ADAMTS12: variants seen among roughly 807,000 people sequenced by gnomAD.
ADAMTS12 encodes A disintegrin and metalloproteinase with thrombospondin motifs 12.
In ADAMTS12, 118 loss-of-function variants were observed where a neutral mutation model predicts 167.8. The observed-to-expected ratio is 0.70, with a 90% CI of 0.61 to 0.82. The LOEUF (loss-of-function observed/expected upper bound fraction) is 0.82, where lower values mean the gene tolerates loss of function less well. Ranked by LOEUF, ADAMTS12 falls within the 40% of genes least tolerant of loss-of-function variation. ADAMTS12 has a pLI of 0.00. For synonymous variants in ADAMTS12, 704 were observed against 716.9 expected (o/e 0.98, Z 0.29); for missense variants, 1,916 against 1,998.8 (o/e 0.96, Z 0.79).
intron 5 of ADAMTS12, among the ~76,000 whole-genome samples, chr5:33,666,002 C>T (rs1003182451): frequency 5.6e-4 from 86 of 152,322 alleles, no homozygotes; most frequent in African/African-American, 2.0e-3. Flanking sequence ...TTACATAGGG[C>T]GTATCCCAAG....
chr5:33,675,364 T>G, intron 5 of ADAMTS12, among the ~76,000 whole-genome samples: 1 of 151,612 alleles, frequency 6.6e-6, no homozygotes, highest in Non-Finnish European at 1.5e-5. Flanking sequence ...GGGGAAGGAG[T>G]AAAGGAGAGG....
chr5:33,689,432 T>C (rs1159638617), intron 3 of ADAMTS12, among the ~76,000 whole-genome samples: 9 of 151,066 alleles, frequency 6.0e-5, no homozygotes, highest in Admixed American at 5.3e-4. Flanking sequence ...AAATCATACA[T>C]AGAAGAAGTT....
intron 18 of ADAMTS12, among the ~76,000 whole-genome samples, chr5:33,583,663 G>A (rs1270323488): frequency 6.6e-6 from 1 of 152,094 alleles, no homozygotes; most frequent in Admixed American, 6.5e-5. Flanking sequence ...TGCTTTTGCC[G>A]TCTTTTGGAT....
chr5:33,559,742 ATGG>A (rs1745647518), intron 20 of ADAMTS12, among the ~76,000 whole-genome samples: 1 of 152,078 alleles, frequency 6.6e-6, no homozygotes, highest in South Asian at 2.1e-4. Context: ...TCAGCCTGGT[ATGG>A]TGGTGCATGC....
intron 2 of ADAMTS12, among the ~76,000 whole-genome samples, chr5:33,851,904 A>G (rs553362430): frequency 2.7e-4 from 41 of 152,134 alleles, no homozygotes; most frequent in African/African-American, 9.1e-4. Context: ...ATGTGCAAGC[A>G]CACACACACA....
chr5:33,707,593 A>G (rs1487452169), intron 3 of ADAMTS12, among the ~76,000 whole-genome samples: 2 of 152,220 alleles, frequency 1.3e-5, no homozygotes, highest in Non-Finnish European at 2.9e-5. Flanking sequence ...TGGCACTGGT[A>G]CCAAAACAGA....
intron 19 of ADAMTS12, among the ~76,000 whole-genome samples, chr5:33,571,295 T>G (rs1004281543): frequency 6.6e-5 from 10 of 152,072 alleles, no homozygotes; most frequent in Admixed American, 3.9e-4. Flanking sequence ...GAATATACAT[T>G]TTTTTCAGCA....
intron 1 of ADAMTS12, among the ~76,000 whole-genome samples, chr5:33,884,678 G>A (rs1750575915): frequency 6.6e-6 from 1 of 152,132 alleles, no homozygotes; most frequent in East Asian, 1.9e-4. Flanking sequence ...GAGAGTGAAG[G>A]AATCAGAATC....
intron 3 of ADAMTS12, among the ~76,000 whole-genome samples, chr5:33,689,840 C>G (rs79513632): frequency 0.013 from 1,971 of 152,266 alleles, 42 homozygotes; most frequent in African/African-American, 0.046. Context: ...GGTCATGGAA[C>G]CTTTCCTTGA....
At chr5:33,818,343 C>G (rs1158472860) in intron 2 of ADAMTS12, among the ~76,000 whole-genome samples, 2 of 152,116 alleles carry the variant, frequency 1.3e-5, no homozygotes, top group Non-Finnish European at 2.9e-5. Context: ...AAATATGCCA[C>G]ATATAAGTGA....
intron 2 of ADAMTS12, among the ~76,000 whole-genome samples, chr5:33,873,145 G>T (rs1750101083): frequency 6.8e-6 from 1 of 147,098 alleles, no homozygotes; most frequent in South Asian, 2.2e-4. Context: ...GTTCACAGAT[G>T]ACGTGAATGC....
In ADAMTS12 at chr5:33,640,700, G is replaced by A. The variant is rs1400535580; in HGVS notation, c.1718+1110C>T. Reference sequence around the variant, plus strand: ...TTCCAAATGCATGCTTATAAATGTGGTAAATGATAAAGATTCATAATAACT... The same window carrying A: ...TTCCAAATGCATGCTTATAAATGTGATAAATGATAAAGATTCATAATAACT... On this transcript the variant is annotated intron_variant, in intron 11 of 23. Transcript: ENST00000504830. 3.3e-5 allele frequency among the ~76,000 whole-genome samples: 5 copies of A among 151,926 alleles called. No homozygotes were observed. The East Asian group carries it at 9.7e-4, about 29-fold the overall frequency.
chr5:33,723,755 C>T (rs956907617), intron 3 of ADAMTS12, among the ~76,000 whole-genome samples: 5 of 152,186 alleles, frequency 3.3e-5, no homozygotes, highest in African/African-American at 1.2e-4. Flanking sequence ...TCTCAGCACC[C>T]CTGTTGTCAG....
chr5:33,678,075 T>A (rs1741984025), intron 5 of ADAMTS12, among the ~76,000 whole-genome samples: 1 of 152,154 alleles, frequency 6.6e-6, no homozygotes, highest in Non-Finnish European at 1.5e-5. Flanking sequence ...TGATAGAAAG[T>A]CACTGATAAA....
At chr5:33,572,012 T>C (rs1331497726) in intron 19 of ADAMTS12, among the ~76,000 whole-genome samples, 1 of 152,168 alleles carries the variant, frequency 6.6e-6, no homozygotes, top group Non-Finnish European at 1.5e-5. Context: ...AATGGATAAA[T>C]TCCTCGACAC....
chr5:33,627,083 GGTA>G (rs1739681967), intron 13 of ADAMTS12, among the ~76,000 whole-genome samples: 1 of 149,716 alleles, frequency 6.7e-6, no homozygotes, highest in Admixed American at 6.6e-5. Context: ...TGATGGTGGT[GGTA>G]GTGGTGGTGG....
chr5:33,676,707 C>CACACACACACACAGAG (rs879440613), intron 5 of ADAMTS12, among the ~76,000 whole-genome samples: 1 of 149,124 alleles, frequency 6.7e-6, no homozygotes, highest in African/African-American at 2.5e-5. Flanking sequence ...CACACACACA[C>CACACACACACACAGAG]AGAGAGAGAG....
chr5:33,666,449 G>T (rs10472873), intron 5 of ADAMTS12, among the ~76,000 whole-genome samples: 1 of 151,966 alleles, frequency 6.6e-6, no homozygotes, highest in Non-Finnish European at 1.5e-5. Flanking sequence ...GGCTCCTCTC[G>T]ATTCCCTAGC....
chr5:33,614,483 C>T (rs1005650021), intron 15 of ADAMTS12, 107 bp from the exon 16 acceptor site: 2 of 1,348,822 alleles, frequency 1.5e-6, no homozygotes, highest in African/African-American at 1.4e-5. Flanking sequence ...GTAATGGGAG[C>T]ATGCATTGGA....
Sources: allele counts gnomAD v4.1 joint callset (sites outside exome capture counted in the v4.1 genomes callset), GRCh38; gene constraint gnomAD v4.1.1; transcripts MANE v1.5; gene names NCBI Gene and HGNC (gene_info 2026-07-23, HGNC 2026-07-21).